Variants in EDIL3 observed in about 807,000 individuals in gnomAD.
The protein encoded by EDIL3 is EGF like and discoidin domains 3, also known as EGF-like repeat and discoidin I-like domain-containing protein 3.
EDIL3 carries 37 observed loss-of-function variants against 67.4 expected under a neutral mutation model. The observed-to-expected ratio is 0.55, with a 90% CI of 0.42 to 0.72. EDIL3 has a LOEUF of 0.72. Ranked by LOEUF, EDIL3 falls within the 30% of genes least tolerant of loss-of-function variation. The pLI is 0.00. For synonymous variants in EDIL3, 195 were observed against 196.3 expected, an observed-to-expected ratio of 0.99 and a Z score of 0.05; for missense variants, 527 against 586.3, an observed-to-expected ratio of 0.90 and a Z score of 1.04.
At chr5:84,040,855 G>A (rs565476821) in intron 9 of EDIL3, among the ~76,000 whole-genome samples, 13 of 152,310 alleles carry the variant, frequency 8.5e-5, no homozygotes, top group Admixed American at 7.8e-4. Context: ...CTTCAGGCCA[G>A]GCACAGCGGC....
At position 84,184,306 on chromosome 5, in the gene EDIL3, C is replaced by T. The variant is rs558204924; in HGVS notation, c.227-3785G>A. Among the ~76,000 whole-genome samples, 17 of 152,000 alleles carry T rather than the reference C, an allele frequency of 1.1e-4. No homozygotes were observed. In the South Asian group the frequency reaches 2.1e-3, roughly 19 times the overall value. On this transcript the variant is annotated intron_variant, in intron 3 of 10. Coordinates refer to ENST00000296591, the MANE Select transcript of EDIL3 (RefSeq NM_005711.5). ...GAGCAAGATGACCTAAATGGATCTG[C>T]GAAATAAAGGGAAGAGCTGGGGAAT...
At chr5:84,085,529 TG>T (rs1334904868) in intron 6 of EDIL3, among the ~76,000 whole-genome samples, 1 of 152,224 alleles carries the variant, frequency 6.6e-6, no homozygotes, top group Non-Finnish European at 1.5e-5. Context: ...CAAAGACTGC[TG>T]CCTGCTTCTT....
At chr5:84,074,441 C>T (rs1448966808) in intron 6 of EDIL3, among the ~76,000 whole-genome samples, 1 of 152,070 alleles carries the variant, frequency 6.6e-6, no homozygotes, top group Admixed American at 6.6e-5. Context: ...ATTTTCTCAA[C>T]CTACTCATCT....
chr5:84,133,478 A>AAC (rs1303452565), intron 5 of EDIL3, among the ~76,000 whole-genome samples: 1 of 150,352 alleles, frequency 6.7e-6, no homozygotes, highest in African/African-American at 2.4e-5. Context: ...AAAAAAAAAA[A>AAC]AAAAAAAAAT....
At chr5:84,325,809 A>G (rs2112160262) in intron 1 of EDIL3, among the ~76,000 whole-genome samples, 1 of 152,264 alleles carries the variant, frequency 6.6e-6, no homozygotes, top group South Asian at 2.1e-4. Flanking sequence ...CAGCCTTAAA[A>G]AGGAAGAAAA....
chr5:84,125,665 C>T (rs1315857349), intron 5 of EDIL3, among the ~76,000 whole-genome samples: 1 of 151,954 alleles, frequency 6.6e-6, no homozygotes, highest in Non-Finnish European at 1.5e-5. Flanking sequence ...TTCTCCCTCC[C>T]CCTGCCCCAA....
chr5:84,217,522 G>C (rs894104264), intron 3 of EDIL3, among the ~76,000 whole-genome samples: 2 of 151,952 alleles, frequency 1.3e-5, no homozygotes, highest in Non-Finnish European at 2.9e-5. Flanking sequence ...AATAGAGTTG[G>C]GTCTCATCCA....
intron 9 of EDIL3, among the ~76,000 whole-genome samples, chr5:84,012,551 G>A (rs1745535156): frequency 6.6e-6 from 1 of 151,998 alleles, no homozygotes; most frequent in Non-Finnish European, 1.5e-5. Flanking sequence ...GTTCACATTA[G>A]AAAAAGGGTC....
intron 1 of EDIL3, among the ~76,000 whole-genome samples, chr5:84,346,140 T>C (rs1034716006): frequency 2.0e-5 from 3 of 147,564 alleles, no homozygotes; most frequent in Non-Finnish European, 3.0e-5. Flanking sequence ...TTTTTCTTTT[T>C]TTTTTTTTTT....
chr5:84,296,396 C>T (rs1746051144), intron 1 of EDIL3, among the ~76,000 whole-genome samples: 1 of 152,184 alleles, frequency 6.6e-6, no homozygotes, highest in African/African-American at 2.4e-5. Context: ...GCATTTCCCA[C>T]AGGATCTAGG....
chr5:84,050,269 T>C (rs545832892), intron 9 of EDIL3, among the ~76,000 whole-genome samples: 4 of 148,348 alleles, frequency 2.7e-5, no homozygotes, highest in South Asian at 2.1e-4. Context: ...TTTGATCTTA[T>C]AGAAGTGAGT....
chr5:84,195,173 C>A (rs1580371157), intron 3 of EDIL3, among the ~76,000 whole-genome samples: 1 of 151,914 alleles, frequency 6.6e-6, no homozygotes, highest in African/African-American at 2.4e-5. Flanking sequence ...TTTCTTTCCA[C>A]TATCTTTTCT....
At chr5:84,022,429 G>C (rs1361673011) in intron 9 of EDIL3, among the ~76,000 whole-genome samples, 1 of 151,668 alleles carries the variant, frequency 6.6e-6, no homozygotes, top group Non-Finnish European at 1.5e-5. Flanking sequence ...AAATAGTAAA[G>C]GTCATATATG....
intron 1 of EDIL3, among the ~76,000 whole-genome samples, chr5:84,315,848 G>T (rs1262229693): frequency 6.6e-6 from 1 of 152,042 alleles, no homozygotes; most frequent in Non-Finnish European, 1.5e-5. Flanking sequence ...AAGTGCTAAG[G>T]GCAGCCAGAG....
At chr5:84,043,848 T>C (rs1188103284) in intron 9 of EDIL3, among the ~76,000 whole-genome samples, 1 of 152,214 alleles carries the variant, frequency 6.6e-6, no homozygotes, top group African/African-American at 2.4e-5. Context: ...TATTACATGA[T>C]ATTCCAAAGC....
At chr5:83,954,648 C>A (rs1251747404) in intron 10 of EDIL3, among the ~76,000 whole-genome samples, 2 of 151,694 alleles carry the variant, frequency 1.3e-5, no homozygotes, top group Non-Finnish European at 2.9e-5. Context: ...AACCTCCTTT[C>A]TTTATAAATT....
intron 4 of EDIL3, among the ~76,000 whole-genome samples, chr5:84,161,150 G>C (rs561102104): frequency 6.6e-6 from 1 of 152,024 alleles, no homozygotes; most frequent in East Asian, 1.9e-4. Flanking sequence ...TACCATCCAG[G>C]CTGTTGTGAA....
At chr5:84,176,210 T>TATATATATATATATATA (rs1748908484) in intron 4 of EDIL3, among the ~76,000 whole-genome samples, 3 of 37,792 alleles carry the variant, frequency 7.9e-5, no homozygotes, top group African/African-American at 1.5e-4. Context: ...TATATATATA[T>TATATATATATATATATA]ATATATATAT....
At chr5:84,337,260 G>A (rs1355269096) in intron 1 of EDIL3, among the ~76,000 whole-genome samples, 4 of 152,288 alleles carry the variant, frequency 2.6e-5, no homozygotes, top group South Asian at 2.1e-4. Context: ...AAATCTTGAG[G>A]TGGCCCTCTT....
Sources: gnomAD v4.1 joint callset for allele counts (sites outside exome capture counted in the v4.1 genomes callset) on GRCh38, gnomAD v4.1.1 for gene constraint, MANE v1.5 for transcripts, NCBI Gene and HGNC (gene_info 2026-07-23, HGNC 2026-07-21) for gene names.